The following RNPC3 variants were observed in gnomAD, a reference collection of about 807,000 sequenced individuals.
The protein encoded by RNPC3 is RNA-binding region-containing protein 3.
In RNPC3, 48 loss-of-function variants were observed where a neutral mutation model predicts 67.5. That is an observed-to-expected ratio of 0.71 (90% CI 0.56 to 0.90). RNPC3 has a LOEUF of 0.90. RNPC3 is among the 40% of genes least tolerant of loss of function. RNPC3 has a pLI of 0.00. For synonymous variants in RNPC3, 239 were observed against 210.3 expected (o/e 1.14, Z -1.18); for missense variants, 637 against 626.1 (o/e 1.02, Z -0.19).
At chr1:103,550,179 C>CATA (rs1223596629) in intron 12 of RNPC3, among the ~76,000 whole-genome samples, 3 of 151,312 alleles carry the variant, frequency 2.0e-5, no homozygotes, top group South Asian at 2.1e-4. Flanking sequence ...TAATAATAAT[C>CATA]ATAATAATAA....
chr1:103,526,319 G>A lies in RNPC3; in HGVS notation c.192+57G>A, dbSNP rs539890341. ...AAGGCATTTGGGAAGTGACCGGGGAGGGGGAGCGCTGACAAGAGTAAAATG... is the reference window on the plus strand; with the variant it reads ...AAGGCATTTGGGAAGTGACCGGGGAAGGGGAGCGCTGACAAGAGTAAAATG... On this transcript the variant is annotated intron_variant, in intron 1 of 14. Transcript: ENST00000423855. 1.2e-4 allele frequency: 173 copies of A among 1,423,202 alleles called. No homozygotes were observed. In the South Asian group the frequency reaches 2.2e-3, roughly 18 times the overall value. The allele number at this position is 1,423,202 out of a possible 1,614,324, so 88.2% of individuals were successfully genotyped here.
intron 14 of RNPC3, chr1:103,553,209 T>C (rs1651442120): frequency 6.6e-6 from 1 of 152,346 alleles, no homozygotes; most frequent in Admixed American, 6.5e-5. Context: ...TAAACATCAT[T>C]TATTTTAAAT....
intron 7 of RNPC3, among the ~76,000 whole-genome samples, chr1:103,537,836 T>TATC (rs1651022748): frequency 6.6e-6 from 1 of 151,544 alleles, no homozygotes; most frequent in Non-Finnish European, 1.5e-5. Flanking sequence ...GCTTTTTATT[T>TATC]ATTATTATTA....
In RNPC3 at chr1:103,543,373, A is replaced by T. The variant is rs1317578725; in HGVS notation, c.971A>T (p.His324Leu). The T allele has an allele frequency of 2.0e-6, 3 of 1,522,044 alleles. No individual in the cohort carries two copies. Among genetic ancestry groups the T allele is most frequent in the East Asian group, 5.0e-5 (2 of 39,766 alleles). The allele number at this position is 1,522,044 out of a possible 1,614,324, so 94.3% of individuals were successfully genotyped here. A position where few individuals can be genotyped will look rare whatever the true frequency, so the allele number is the denominator to read the frequency against. ...QPVGNKRIEFHISTDMPAAFK... is the reference protein window; with the variant it reads ...QPVGNKRIEFLISTDMPAAFK... ...GTAGGTAACAAAAGAATTGAATTCC[A>T]TATATCTACCGACATGCCAGCTGCA... Residue 324 changes from histidine to leucine, a missense_variant, in exon 9 of 15, where the codon CAT (histidine) becomes CTT (leucine). Physicochemically the swap from His to Leu is moderately conservative, Grantham distance 99. Transcript: ENST00000423855.
chr1:103,527,805 A>G, intron 2 of RNPC3, 63 bp downstream of exon 2: 2 of 1,217,644 alleles, frequency 1.6e-6, no homozygotes, highest in Middle Eastern at 1.9e-4. Context: ...CTTGGTTCAG[A>G]TAATGTTTAA....
At chr1:103,528,099 A>G (rs1650760749) in intron 2 of RNPC3, among the ~76,000 whole-genome samples, 1 of 152,210 alleles carries the variant, frequency 6.6e-6, no homozygotes. Flanking sequence ...CTAGAAGTCT[A>G]ATGATTAATT....
At chr1:103,540,903 AC>A (rs1651109638) in intron 7 of RNPC3, among the ~76,000 whole-genome samples, 1 of 152,178 alleles carries the variant, frequency 6.6e-6, no homozygotes, top group Admixed American at 6.5e-5. Context: ...ATGATTTGCA[AC>A]AGTTATTCAC....
intron 6 of RNPC3, among the ~76,000 whole-genome samples, chr1:103,536,566 C>T (rs1333045620): frequency 6.6e-6 from 1 of 152,156 alleles, no homozygotes; most frequent in Admixed American, 6.5e-5. Context: ...TTTTATTAGA[C>T]TTGACTATGC....
At chr1:103,541,796 T>G (rs538485230) in intron 8 of RNPC3, among the ~76,000 whole-genome samples, 3 of 152,206 alleles carry the variant, frequency 2.0e-5, no homozygotes, top group African/African-American at 7.2e-5. Context: ...CTCGTGCATT[T>G]ACAGTTTTGT....
chr1:103,544,936 C>G lies in RNPC3; in HGVS notation c.1046-5C>G. ...TAATGGTTAATGTTAATATTGAACT[C>G]TTAGATTTACCTGCTACTGAAGTTG... On this transcript the variant is annotated splice_polypyrimidine_tract_variant and splice_region_variant and intron_variant, in intron 9 of 14. Coordinates refer to ENST00000423855, the MANE Select transcript of RNPC3 (RefSeq NM_017619.4). 1.3e-6 allele frequency: 2 copies of G among 1,515,920 alleles called. No homozygotes were observed. The highest frequency in any genetic ancestry group is 1.8e-6 in the Non-Finnish European group (2 of 1,136,556). The allele number at this position is 1,515,920 out of a possible 1,614,324, so 93.9% of individuals were successfully genotyped here.
Position 103,551,748 on chromosome 1 carries a change from CAAG to C in RNPC3, c.1524_1526del (p.Gln508_Asp509delinsHis). On this transcript the variant is annotated inframe_deletion, in exon 14 of 15. Transcript: ENST00000423855. Reference sequence around the variant, plus strand: ...GTTTGCTCGATCTGCTAGACCAAAACAAGATCCTAAGGAAGGAAAAAGAAAGTG... The same window carrying C: ...GTTTGCTCGATCTGCTAGACCAAAACATCCTAAGGAAGGAAAAAGAAAGTG... The C allele has an allele frequency of 6.5e-7, 1 of 1,532,142 alleles. No homozygotes were observed. Among genetic ancestry groups the C allele is most frequent in the Non-Finnish European group, 8.8e-7 (1 of 1,136,384 alleles). 94.9% of individuals were successfully genotyped at this position (1,532,142 alleles called of 1,614,324 possible). A position where few individuals can be genotyped will look rare whatever the true frequency, so the allele number is the denominator to read the frequency against.
intron 2 of RNPC3, among the ~76,000 whole-genome samples, chr1:103,529,709 C>T (rs956276494): frequency 9.2e-5 from 14 of 152,170 alleles, no homozygotes; most frequent in African/African-American, 3.4e-4. Flanking sequence ...CATTTAGGGT[C>T]TTGAAAATTA....
intron 14 of RNPC3, chr1:103,554,238 C>T (rs1280119441): frequency 6.6e-6 from 1 of 152,304 alleles, no homozygotes; most frequent in Non-Finnish European, 1.5e-5. Flanking sequence ...CCTCTGGTCT[C>T]AGCTACTTGG....
intron 11 of RNPC3, chr1:103,546,568 G>T (rs1384846085): frequency 2.8e-6 from 1 of 353,136 alleles, no homozygotes; most frequent in African/African-American, 2.1e-5. Context: ...TTTGTGGTAT[G>T]TATTAATTTC....
chr1:103,529,317 TG>T (rs908922342), intron 2 of RNPC3, among the ~76,000 whole-genome samples: 2 of 152,088 alleles, frequency 1.3e-5, no homozygotes, highest in African/African-American at 4.8e-5. Flanking sequence ...AAATAAAGTA[TG>T]GTAATGAAAA....
At chr1:103,529,909 C>T (rs1183750717) in intron 2 of RNPC3, among the ~76,000 whole-genome samples, 2 of 152,148 alleles carry the variant, frequency 1.3e-5, no homozygotes, top group Admixed American at 6.5e-5. Context: ...GCCTGGCTGC[C>T]TGAGCTCCAC....
At chr1:103,536,876 A>G (rs1340378263) in intron 6 of RNPC3, among the ~76,000 whole-genome samples, 1 of 152,084 alleles carries the variant, frequency 6.6e-6, no homozygotes, top group Non-Finnish European at 1.5e-5. Context: ...ATAAATTCTT[A>G]GTCATTTAAT....
intron 12 of RNPC3, 85 bp downstream of exon 12, chr1:103,547,120 CT>C: frequency 1.4e-6 from 1 of 730,510 alleles, no homozygotes; most frequent in South Asian, 2.3e-5. Flanking sequence ...CATCATTTTC[CT>C]TTTAGAGATA....
intron 6 of RNPC3, 128 bp downstream of exon 6, chr1:103,536,322 A>G (rs1275656114): frequency 7.9e-6 from 5 of 635,358 alleles, no homozygotes; most frequent in Non-Finnish European, 1.4e-5. Flanking sequence ...ATAAAGTAAT[A>G]TGATGATAAT....
Sources: allele counts gnomAD v4.1 joint callset (sites outside exome capture counted in the v4.1 genomes callset), GRCh38; gene constraint gnomAD v4.1.1; transcripts MANE v1.5; gene names NCBI Gene and HGNC (gene_info 2026-07-23, HGNC 2026-07-21).